ADGRB3: variants seen among roughly 807,000 people sequenced by gnomAD.
The protein encoded by ADGRB3 is adhesion G protein-coupled receptor B3, also known as brain-specific angiogenesis inhibitor 3.
Under a neutral mutation model 193.4 loss-of-function variants are expected in ADGRB3, and 37 were observed. The observed-to-expected ratio is 0.19, with a 90% CI of 0.15 to 0.25. The LOEUF (loss-of-function observed/expected upper bound fraction) is 0.25, where lower values mean the gene tolerates loss of function less well. ADGRB3 is among the 10% of genes least tolerant of loss of function. The pLI is 1.00. For missense variants in ADGRB3, 1,637 were observed against 1,852.9 expected (o/e 0.88, Z 2.14); for synonymous variants, 690 against 644.2 (o/e 1.07, Z -1.08).
chr6:69,093,761 T>A (rs960360429), intron 17 of ADGRB3, among the ~76,000 whole-genome samples: 14 of 151,770 alleles, frequency 9.2e-5, no homozygotes, highest in Non-Finnish European at 1.9e-4. Context: ...CAGCCTAAGT[T>A]CAGGGGGATA....
At chr6:69,298,624 G>A (rs571087374) in intron 20 of ADGRB3, among the ~76,000 whole-genome samples, 1 of 152,024 alleles carries the variant, frequency 6.6e-6, no homozygotes, top group South Asian at 2.1e-4. Flanking sequence ...ATTTGAGTGA[G>A]AACATGTGAT....
intron 30 of ADGRB3, among the ~76,000 whole-genome samples, chr6:69,382,483 G>A (rs1769970139): frequency 6.6e-6 from 1 of 151,712 alleles, no homozygotes; most frequent in Admixed American, 6.6e-5. Context: ...ACAAGTTTAA[G>A]TTTTTAAACA....
At chr6:69,352,683 T>C (rs1357848705) in intron 26 of ADGRB3, among the ~76,000 whole-genome samples, 1 of 152,322 alleles carries the variant, frequency 6.6e-6, no homozygotes. Flanking sequence ...AATCCTGCAA[T>C]GTGGCAATTT....
chr6:68,999,266 CTTTT>C (rs35115621), intron 11 of ADGRB3, among the ~76,000 whole-genome samples: 2 of 133,104 alleles, frequency 1.5e-5, no homozygotes, highest in Non-Finnish European at 3.3e-5. Context: ...TTTCCCTTTT[CTTTT>C]TTTTTTTTTT....
intron 20 of ADGRB3, among the ~76,000 whole-genome samples, chr6:69,311,965 C>G (rs1209596194): frequency 6.6e-6 from 1 of 151,782 alleles, no homozygotes; most frequent in Non-Finnish European, 1.5e-5. Flanking sequence ...TTATTGAGAA[C>G]TTAGTATATG....
chr6:68,668,445 C>A (rs1447992428), intron 3 of ADGRB3, among the ~76,000 whole-genome samples: 1 of 151,962 alleles, frequency 6.6e-6, no homozygotes, highest in African/African-American at 2.4e-5. Context: ...ATAATCAGCA[C>A]AAGTTCTTTT....
At chr6:69,122,488 A>AGGGGGGGGGGGGG (rs1773738514) in intron 17 of ADGRB3, among the ~76,000 whole-genome samples, 1 of 2,168 alleles carries the variant, frequency 4.6e-4, no homozygotes, top group African/African-American at 1.4e-3. Context: ...GGGAGGGGGG[A>AGGGGGGGGGGGGG]GGGGGAGGGG....
At chr6:69,331,216 G>T (rs1372722276) in intron 23 of ADGRB3, among the ~76,000 whole-genome samples, 1 of 151,898 alleles carries the variant, frequency 6.6e-6, no homozygotes, top group Non-Finnish European at 1.5e-5. Context: ...TATAGATAAG[G>T]ATTTTAAATT....
At chr6:68,855,349 A>G (rs1764952177) in intron 3 of ADGRB3, among the ~76,000 whole-genome samples, 1 of 152,152 alleles carries the variant, frequency 6.6e-6, no homozygotes, top group African/African-American at 2.4e-5. Flanking sequence ...ATGACAGTCT[A>G]CCAAGACATG....
At chr6:69,087,364 C>A (rs913844146) in intron 17 of ADGRB3, among the ~76,000 whole-genome samples, 1 of 152,074 alleles carries the variant, frequency 6.6e-6, no homozygotes, top group Non-Finnish European at 1.5e-5. Context: ...GATGTTAGTG[C>A]TATGGTCTGA....
chr6:69,267,977 TC>T (rs1767084675), intron 20 of ADGRB3, among the ~76,000 whole-genome samples: 1 of 152,126 alleles, frequency 6.6e-6, no homozygotes, highest in Non-Finnish European at 1.5e-5. Flanking sequence ...CACGATTTGT[TC>T]CTTAAAATTC....
intron 3 of ADGRB3, among the ~76,000 whole-genome samples, chr6:68,814,583 T>A (rs893666666): frequency 1.5e-4 from 23 of 152,194 alleles, no homozygotes; most frequent in African/African-American, 5.3e-4. Context: ...TTGGCTTTTG[T>A]TGCCATTGCT....
intron 21 of ADGRB3, among the ~76,000 whole-genome samples, 181 bp from the exon 22 acceptor site, chr6:69,327,639 G>A (rs945726312): frequency 3.9e-5 from 6 of 152,074 alleles, no homozygotes; most frequent in Non-Finnish European, 5.9e-5. Flanking sequence ...AAAAGCTCAG[G>A]TACCTCTCTC....
chr6:69,007,564 C>T (rs1170066242), intron 11 of ADGRB3, among the ~76,000 whole-genome samples: 1 of 152,034 alleles, frequency 6.6e-6, no homozygotes, highest in Middle Eastern at 3.2e-3. Context: ...CTGGAACTCT[C>T]TTCCTCAGGT....
intron 17 of ADGRB3, among the ~76,000 whole-genome samples, chr6:69,147,282 G>A (rs1012137007): frequency 2.6e-5 from 4 of 152,030 alleles, no homozygotes; most frequent in Non-Finnish European, 5.9e-5. Context: ...TGCACTTGTA[G>A]CTATAAAATT....
At chr6:69,322,555 T>A (rs1768481953) in intron 20 of ADGRB3, among the ~76,000 whole-genome samples, 1 of 151,966 alleles carries the variant, frequency 6.6e-6, no homozygotes, top group Non-Finnish European at 1.5e-5. Flanking sequence ...CTGACTGATA[T>A]GAGATGGTAT....
intron 3 of ADGRB3, among the ~76,000 whole-genome samples, chr6:68,785,215 T>C (rs1237181314): frequency 6.6e-6 from 1 of 152,144 alleles, no homozygotes; most frequent in Non-Finnish European, 1.5e-5. Flanking sequence ...TGCAGGTTTG[T>C]TACATATGTA....
chr6:69,258,393 C>T (rs1013807622), intron 20 of ADGRB3, among the ~76,000 whole-genome samples: 9 of 152,078 alleles, frequency 5.9e-5, no homozygotes, highest in African/African-American at 2.2e-4. Flanking sequence ...GACTTGTCAA[C>T]ATAAGAAATA....
intron 30 of ADGRB3, among the ~76,000 whole-genome samples, chr6:69,372,906 G>A (rs968903671): frequency 2.0e-5 from 3 of 151,754 alleles, no homozygotes; most frequent in Non-Finnish European, 4.4e-5. Flanking sequence ...GGTTCTCTGC[G>A]GTACATTTGA....
Sources: gnomAD v4.1 joint callset for allele counts (sites outside exome capture counted in the v4.1 genomes callset) on GRCh38, gnomAD v4.1.1 for gene constraint, MANE v1.5 for transcripts, NCBI Gene and HGNC (gene_info 2026-07-23, HGNC 2026-07-21) for gene names.